Variants in NFXL1 observed in about 807,000 individuals in gnomAD.
NFXL1 encodes the protein NF-X1-type zinc finger protein NFXL1.
Under a neutral mutation model 123.3 loss-of-function variants are expected in NFXL1, and 66 were observed. That is an observed-to-expected ratio of 0.54 (90% CI 0.44 to 0.66). NFXL1 has a LOEUF of 0.66. Ranked by LOEUF, NFXL1 falls within the 30% of genes least tolerant of loss-of-function variation. The pLI is 0.00. For missense variants in NFXL1, 944 were observed against 1,125.6 expected (o/e 0.84, Z 2.31); for synonymous variants, 346 against 360.8 (o/e 0.96, Z 0.46).
At chr4:47,867,425 A>C (rs1397799288) in intron 18 of NFXL1, among the ~76,000 whole-genome samples, 1 of 152,136 alleles carries the variant, frequency 6.6e-6, no homozygotes, top group Non-Finnish European at 1.5e-5. Context: ...GAAGTAATTG[A>C]GTGAAATGGG....
rs779278677 is a variant in NFXL1 at position 47,890,635 on chromosome 4, C to T, written c.1521G>A (p.Lys507=). The T allele has an allele frequency of 1.9e-6, 3 of 1,603,364 alleles. No individual in the cohort carries two copies. The highest frequency in any genetic ancestry group is 2.2e-5 in the East Asian group (1 of 44,734). ...TACCTCTGTGACAGACAGATGGACACTTATGGTTTCTACATCCTAAAGTCC... is the reference window on the plus strand; with the variant it reads ...TACCTCTGTGACAGACAGATGGACATTTATGGTTTCTACATCCTAAAGTCC... ...CGRTLGCRNH[K]CPSVCHRGSC... is the part of the protein sequence containing the mutation. Residue 507 remains lysine (K), a synonymous_variant, in exon 12 of 23, where the codon AAG becomes AAA. Coordinates refer to ENST00000507489, the MANE Select transcript of NFXL1 (RefSeq NM_001278624.2).
intron 20 of NFXL1, among the ~76,000 whole-genome samples, chr4:47,854,197 G>C (rs1734277601): frequency 6.6e-6 from 1 of 151,910 alleles, no homozygotes; most frequent in Admixed American, 6.6e-5. Flanking sequence ...TAAATGAAAG[G>C]CAAAGGACCT....
intron 6 of NFXL1, 82 bp from the exon 7 acceptor site, chr4:47,899,202 A>G: frequency 7.3e-7 from 1 of 1,373,892 alleles, no homozygotes. Context: ...TACACCTATC[A>G]ATAATTTCTA....
At chr4:47,850,470 A>G (rs527959105) in intron 22 of NFXL1, among the ~76,000 whole-genome samples, 1 of 152,216 alleles carries the variant, frequency 6.6e-6, no homozygotes, top group South Asian at 2.1e-4. Flanking sequence ...CAAACTGACA[A>G]ATAATAATAA....
intron 2 of NFXL1, among the ~76,000 whole-genome samples, chr4:47,911,542 G>A (rs911378858): frequency 1.3e-5 from 2 of 152,062 alleles, no homozygotes; most frequent in South Asian, 2.1e-4. Flanking sequence ...ATTTACAATC[G>A]GCTTCTTAGG....
chr4:47,905,163 A>T (rs980362921), intron 4 of NFXL1, 74 bp downstream of exon 4: 1 of 576,246 alleles, frequency 1.7e-6, no homozygotes, highest in Non-Finnish European at 3.1e-6. Flanking sequence ...AAGAATAATA[A>T]ATCGTTAAGT....
Position 47,899,459 on chromosome 4 carries a change from G to A in NFXL1, c.737C>T (p.Pro246Leu), listed in dbSNP as rs12651301. Residue 246 changes from proline (P) to leucine (L), a missense_variant, in exon 6 of 23, where the codon CCG (proline) becomes CTG (leucine). Coordinates refer to ENST00000507489, the MANE Select transcript of NFXL1 (RefSeq NM_001278624.2). ...CGKVEDPPLDPWLVPHSCGQV... is the reference protein window; with the variant it reads ...CGKVEDPPLDLWLVPHSCGQV... ...GCCACATGAATGAGGCACAAGCCAC[G>A]GATCTAAAGGTGGATCTTCTACTTT... The A allele has an allele frequency of 0.33, 532,050 of 1,612,452 alleles. 90,486 individuals are homozygous for A. The highest frequency in any genetic ancestry group is 0.58 in the East Asian group (26,006 of 44,844).
At chr4:47,876,639 A>G (rs1326299670) in intron 17 of NFXL1, among the ~76,000 whole-genome samples, 1 of 152,184 alleles carries the variant, frequency 6.6e-6, no homozygotes, top group Non-Finnish European at 1.5e-5. Context: ...ACCAAAGGAT[A>G]TGGAGCAGAA....
At chr4:47,908,928 C>G (rs2110108670) in intron 3 of NFXL1, among the ~76,000 whole-genome samples, 1 of 130,618 alleles carries the variant, frequency 7.7e-6, no homozygotes, top group South Asian at 2.5e-4. Flanking sequence ...GCACTCCAGC[C>G]TGGGCGACAG....
intron 22 of NFXL1, among the ~76,000 whole-genome samples, chr4:47,848,568 T>C (rs1188867234): frequency 6.6e-6 from 1 of 152,110 alleles, no homozygotes; most frequent in African/African-American, 2.4e-5. Flanking sequence ...TTTCAAACTG[T>C]AGGGCTGACT....
At chr4:47,880,774 T>G (rs1578015295) in intron 15 of NFXL1, among the ~76,000 whole-genome samples, 1 of 132,762 alleles carries the variant, frequency 7.5e-6, no homozygotes, top group East Asian at 2.1e-4. Context: ...CCACAAACTG[T>G]GCCCATAGTA....
intron 22 of NFXL1, 121 bp from the exon 23 acceptor site, chr4:47,848,457 G>C: frequency 1.4e-6 from 1 of 724,302 alleles, no homozygotes; most frequent in Non-Finnish European, 2.2e-6. Context: ...TCAATATATT[G>C]ATTTGATTTT....
In NFXL1 at chr4:47,914,192, G is replaced by C. The variant is rs1051582631; in HGVS notation, c.12C>G (p.Ser4=). 1 of 1,518,510 alleles carries C rather than the reference G, an allele frequency of 6.6e-7. No individual in the cohort carries two copies. Among genetic ancestry groups the C allele is most frequent in the African/African-American group, 1.4e-5 (1 of 72,020 alleles). The allele number at this position is 1,518,510 out of a possible 1,614,324, so 94.1% of individuals were successfully genotyped here. A position where few individuals can be genotyped will look rare whatever the true frequency, so the allele number is the denominator to read the frequency against. Residue 4 remains serine (S), a synonymous_variant, in exon 2 of 23, where the codon TCC becomes TCG. Transcript: ENST00000507489. MEA[S]WRQVAGGRGR... The stretch of plus-strand genomic sequence containing the variant: ...CTCGGCCACCGGCCACCTGGCGCCA[G>C]GAAGCTTCCATCCCTGCAAAGGAGA...
intron 14 of NFXL1, 52 bp downstream of exon 14, chr4:47,885,446 A>G (rs1362937709): frequency 6.9e-7 from 1 of 1,445,126 alleles, no homozygotes; most frequent in Non-Finnish European, 9.5e-7. Flanking sequence ...TAAAAGCAAG[A>G]AAGTACAACC....
chr4:47,851,151 G>C lies in NFXL1; in HGVS notation c.2509-3C>G. 6.2e-7 allele frequency: 1 copy of C among 1,604,494 alleles called. No homozygotes were observed. The highest frequency in any genetic ancestry group is 8.5e-7 in the Non-Finnish European group (1 of 1,171,942). On this transcript the variant is annotated splice_region_variant and splice_polypyrimidine_tract_variant and intron_variant, in intron 21 of 22. Transcript: ENST00000507489. ...GCTTTGGCTTCTGCTTCTTTTATCT[G>C]TTTATACACATACAAAAGTCAATTT...
chr4:47,851,874 C>T lies in NFXL1; in HGVS notation c.2490G>A (p.Met830Ile), dbSNP rs1734137105. The part of the protein sequence containing the change: ...SIECDTTCKE[M>I]KRKASEIKEA... ...ACATTACCTCAGATGCTTTCCGCTT[C>T]ATTTCCTTGCACGTTGTGTCACATT... The change falls in exon 21 of 23, where the codon ATG becomes ATA. Residue 830 changes from methionine to isoleucine, a missense_variant. Transcript: ENST00000507489. The T allele has an allele frequency of 6.2e-7, 1 of 1,607,114 alleles. No individual in the cohort carries two copies.
chr4:47,868,260 A>G (rs1460887644), intron 18 of NFXL1, among the ~76,000 whole-genome samples: 3 of 151,940 alleles, frequency 2.0e-5, no homozygotes, highest in African/African-American at 7.3e-5. Context: ...CGGAGCTTGC[A>G]GTGAGCCGAG....
chr4:47,876,601 A>G (rs1735770111), intron 17 of NFXL1, among the ~76,000 whole-genome samples: 1 of 152,176 alleles, frequency 6.6e-6, no homozygotes, highest in Non-Finnish European at 1.5e-5. Context: ...AAAGGATTTA[A>G]ATTTTGGTCT....
intron 18 of NFXL1, among the ~76,000 whole-genome samples, chr4:47,872,980 G>C (rs372631377): frequency 5.1e-4 from 77 of 152,284 alleles, no homozygotes; most frequent in African/African-American, 1.8e-3. Flanking sequence ...ACCTGCTGCT[G>C]CTTTATCAAC....
Sources: gnomAD v4.1 joint callset for allele counts (sites outside exome capture counted in the v4.1 genomes callset) on GRCh38, gnomAD v4.1.1 for gene constraint, MANE v1.5 for transcripts, NCBI Gene and HGNC (gene_info 2026-07-23, HGNC 2026-07-21) for gene names.